Variants in PHACTR2 observed in about 807,000 individuals in gnomAD.
The protein encoded by PHACTR2 is phosphatase and actin regulator 2, also known as chromosome 6 open reading frame 56.
PHACTR2 carries 30 observed loss-of-function variants against 76.0 expected under a neutral mutation model. The observed-to-expected ratio is 0.39, with a 90% confidence interval of 0.30 to 0.54. The LOEUF is 0.54. Ranked by LOEUF, PHACTR2 falls within the 20% of genes least tolerant of loss-of-function variation. The pLI, the probability that PHACTR2 is intolerant of heterozygous loss-of-function variation, is 0.61. For missense variants in PHACTR2, 696 were observed against 781.1 expected, an observed-to-expected ratio of 0.89 and a Z score of 1.30; for synonymous variants, 292 against 292.5, an observed-to-expected ratio of 1.00 and a Z score of 0.02.
At position 143,807,063 on chromosome 6, in the gene PHACTR2, A is replaced by G; in HGVS notation, c.1852A>G (p.Ile618Val). The change falls in exon 12 of 13, where the codon ATA becomes GTA. Residue 618 changes from isoleucine (I) to valine (V), a missense_variant. This residue lies in a region of PHACTR2 where 236 missense variants were observed against 330.2 expected (regional missense o/e 0.71). Transcript: ENST00000440869. This position sits in a 1 kb window ranked among gnomAD's most constrained non-coding sequence, Gnocchi z 5.5. ...TATTTTTTTTCCTGTTTAGGCAGCA[A>G]TAAGGAAAGAACTAAATGAATTTAA... Reference protein sequence around the residue: ...ARLTPADKAAIRKELNEFKST... With the variant: ...ARLTPADKAAVRKELNEFKST... The G allele has an allele frequency of 6.3e-7, 1 of 1,589,466 alleles. No individual in the cohort carries two copies. Among genetic ancestry groups the G allele is most frequent in the East Asian group, 2.2e-5 (1 of 44,722 alleles).
At position 143,671,721 on chromosome 6, in the gene PHACTR2, CCAAT is replaced by C. The variant is rs1490800355; in HGVS notation, c.14-40290_14-40287del. 5.9e-5 allele frequency among the ~76,000 whole-genome samples: 9 copies of C among 152,124 alleles called. No individual in the cohort carries two copies. Among genetic ancestry groups the C allele is most frequent in the Admixed American group, 2.0e-4 (3 of 15,288 alleles). ...TAATAAATATTTGTTGAGTGGTGAA[CCAAT>C]CAATGAGTTATTATTAATATAGAAC... On this transcript the variant is annotated intron_variant, in intron 1 of 11. Transcript: ENST00000305766. The surrounding 1 kb of genome is among the most constrained non-coding windows in gnomAD (Gnocchi z 4.6).
rs192927844 is a variant in PHACTR2 at position 143,698,604 on chromosome 6, G to A, written c.47-13412G>A. ...GAGGCCATCTTGTGCTATGTCTGCCGTGGGAACTAATGCCACAGTACCACC... is the reference window on the plus strand; with the variant it reads ...GAGGCCATCTTGTGCTATGTCTGCCATGGGAACTAATGCCACAGTACCACC... On this transcript the variant is annotated intron_variant, in intron 1 of 12. Transcript: ENST00000440869. The surrounding 1 kb of genome is among the most constrained non-coding windows in gnomAD (Gnocchi z 4.3). Among the ~76,000 whole-genome samples, 23 of 152,292 alleles carry A rather than the reference G, an allele frequency of 1.5e-4. No individual in the cohort carries two copies. The East Asian group carries it at 1.7e-3, about 11-fold the overall frequency.
intron 5 of PHACTR2, among the ~76,000 whole-genome samples, chr6:143,763,831 C>T (rs1779492968): frequency 6.6e-6 from 1 of 152,120 alleles, no homozygotes; most frequent in African/African-American, 2.4e-5. Context: ...CATCTGTATA[C>T]AGTGTGGATT....
chr6:143,779,633 C>T (rs560429628), intron 9 of PHACTR2, among the ~76,000 whole-genome samples: 1 of 152,184 alleles, frequency 6.6e-6, no homozygotes, highest in East Asian at 1.9e-4. Context: ...CGGGTGTAAG[C>T]CACCGTGCCC....
At chr6:143,713,844 G>T (rs546749861) in intron 2 of PHACTR2, among the ~76,000 whole-genome samples, 1 of 152,258 alleles carries the variant, frequency 6.6e-6, no homozygotes, top group East Asian at 1.9e-4. Flanking sequence ...CTTAAGCATT[G>T]GGAGAATCTG....
At chr6:143,674,605 A>C (rs937149873), upstream of PHACTR2, among the ~76,000 whole-genome samples, 3 of 151,786 alleles carry the variant, frequency 2.0e-5, no homozygotes, top group Non-Finnish European at 2.9e-5. This position sits in a 1 kb window ranked among gnomAD's most constrained non-coding sequence, Gnocchi z 4.9. Context: ...ATCTCTTGGG[A>C]CTCTGCCTAA....
Position 143,776,410 on chromosome 6 carries a change from A to G in PHACTR2, c.1590-918A>G, listed in dbSNP as rs913133872. ...ATGTAAGATTAACCTATAAAAATCA[A>G]CATTATGTTTATATAACATTGTTAC... On this transcript the variant is annotated intron_variant, in intron 8 of 12. Coordinates refer to ENST00000440869, the MANE Select transcript of PHACTR2 (RefSeq NM_001100164.2). The surrounding 1 kb of genome is among the most constrained non-coding windows in gnomAD (Gnocchi z 5.3). 2.6e-5 allele frequency among the ~76,000 whole-genome samples: 4 copies of G among 152,252 alleles called. No homozygotes were observed. Among genetic ancestry groups the G allele is most frequent in the African/African-American group, 7.2e-5 (3 of 41,474 alleles).
chr6:143,780,361 C>T lies in PHACTR2; in HGVS notation c.1646-2858C>T, dbSNP rs1023955121. On this transcript the variant is annotated intron_variant, in intron 9 of 12. Coordinates refer to ENST00000440869, the MANE Select transcript of PHACTR2 (RefSeq NM_001100164.2). This position sits in a 1 kb window ranked among gnomAD's most constrained non-coding sequence, Gnocchi z 4.4. ...GTAAGGTGGCTTATGCCTGTAATCC[C>T]AAAGCCTTGTGAGGCCAAGGCAGGA... 1.3e-5 allele frequency among the ~76,000 whole-genome samples: 2 copies of T among 152,030 alleles called. No homozygotes were observed. Among genetic ancestry groups the T allele is most frequent in the African/African-American group, 4.8e-5 (2 of 41,360 alleles).
At position 143,827,177 on chromosome 6, in the gene PHACTR2, T is replaced by C. The variant is rs867679907; in HGVS notation, c.*3488T>C. ...GAAAATATATATATATATATATATA[T>C]ATATATATATATATATATATATGTA... On this transcript the variant is annotated 3_prime_UTR_variant, in exon 13 of 13. Coordinates refer to ENST00000440869, the MANE Select transcript of PHACTR2 (RefSeq NM_001100164.2). 10 of 126,918 alleles carry C rather than the reference T, an allele frequency of 7.9e-5. No individual in the cohort carries two copies. The highest frequency in any genetic ancestry group is 1.7e-4 in the Non-Finnish European group (10 of 59,708). The allele number at this position is 126,918 out of a possible 1,614,324, so 7.9% of individuals were successfully genotyped here.
In PHACTR2 at chr6:143,680,526, G is replaced by A. The variant is rs1349211163; in HGVS notation, c.46+2317G>A. On this transcript the variant is annotated intron_variant, in intron 1 of 12. Coordinates refer to ENST00000440869, the MANE Select transcript of PHACTR2 (RefSeq NM_001100164.2). This position sits in a 1 kb window ranked among gnomAD's most constrained non-coding sequence, Gnocchi z 4.5. ...GGCTAGAAGTTAGCTTGCTTTCCCC[G>A]TTTTGACTTTAGGCTCTCTAGAGCC... 2.0e-5 allele frequency among the ~76,000 whole-genome samples: 3 copies of A among 152,138 alleles called. No individual in the cohort carries two copies. Among genetic ancestry groups the A allele is most frequent in the Non-Finnish European group, 2.9e-5 (2 of 68,012 alleles).
intron 4 of PHACTR2, among the ~76,000 whole-genome samples, chr6:143,756,818 C>T (rs1051400573): frequency 6.6e-5 from 10 of 152,080 alleles, no homozygotes; most frequent in African/African-American, 1.9e-4. Context: ...GAGGCCAAGG[C>T]GGGCAGATCA....
At position 143,761,622 on chromosome 6, in the gene PHACTR2, C is replaced by T. The variant is rs548894633; in HGVS notation, c.694+982C>T. On this transcript the variant is annotated intron_variant, in intron 5 of 12. Transcript: ENST00000440869. The surrounding 1 kb of genome is among the most constrained non-coding windows in gnomAD (Gnocchi z 5.2). The stretch of plus-strand genomic sequence containing the variant: ...TACAAGAATTAGCCAGGCGTCGTGG[C>T]GTGCACCTCTAATCCCAGCTACTCA... 1.5e-4 allele frequency among the ~76,000 whole-genome samples: 23 copies of T among 152,092 alleles called. No homozygotes were observed. Among genetic ancestry groups the T allele is most frequent in the African/African-American group, 5.3e-4 (22 of 41,498 alleles).
chr6:143,586,100 T>C (rs1199254537), intron 1 of PHACTR2, among the ~76,000 whole-genome samples: 3 of 152,244 alleles, frequency 2.0e-5, no homozygotes, highest in East Asian at 1.9e-4. Context: ...TTACCACTCC[T>C]GGTCCACATC....
Position 143,801,092 on chromosome 6 carries a change from G to A in PHACTR2, c.1846-5965G>A, listed in dbSNP as rs1775944537. 6.6e-6 allele frequency among the ~76,000 whole-genome samples: 1 copy of A among 152,124 alleles called. No individual in the cohort carries two copies. On this transcript the variant is annotated intron_variant, in intron 11 of 12. Coordinates refer to ENST00000440869, the MANE Select transcript of PHACTR2 (RefSeq NM_001100164.2). This position sits in a 1 kb window ranked among gnomAD's most constrained non-coding sequence, Gnocchi z 4.6. ...TGTTAGTCTGATGGCTTCCCTTTGT[G>A]GTTAACCCAACCTTTCTCTCTGGCT... is the stretch of plus-strand genomic sequence containing the variant.
At chr6:143,734,675 G>C (rs1386012948) in intron 2 of PHACTR2, among the ~76,000 whole-genome samples, 1 of 152,114 alleles carries the variant, frequency 6.6e-6, no homozygotes, top group Non-Finnish European at 1.5e-5. Flanking sequence ...ATTGCTAAGG[G>C]GGATGTGGAG....
rs542361304 is a variant in PHACTR2 at position 143,595,007 on chromosome 6, A to T, written c.217+57800A>T. On this transcript the variant is annotated intron_variant, in intron 1 of 11. Transcript: ENST00000367584. This position sits in a 1 kb window ranked among gnomAD's most constrained non-coding sequence, Gnocchi z 4.2. ...GAAGCTCTGAAATGAAGACTGTTAC[A>T]TAATGATTTTATGAATAACATACAG... Among the ~76,000 whole-genome samples, 38 of 152,358 alleles carry T rather than the reference A, an allele frequency of 2.5e-4. No homozygotes were observed. The highest frequency in any genetic ancestry group is 8.4e-4 in the African/African-American group (35 of 41,598).
In PHACTR2 at chr6:143,757,348, C is replaced by CA. The variant is rs1465566201; in HGVS notation, c.455-3051dup. 6.6e-6 allele frequency among the ~76,000 whole-genome samples: 1 copy of CA among 152,164 alleles called. No individual in the cohort carries two copies. The highest frequency in any genetic ancestry group is 1.9e-4 in the East Asian group (1 of 5,190). ...CGTAGAAGGCCTGAGCACAGCAACCCAAGGGAGCTCACAGTGAGGGCCAAC... is the reference window on the plus strand; with the variant it reads ...CGTAGAAGGCCTGAGCACAGCAACCCAAAGGGAGCTCACAGTGAGGGCCAAC... On this transcript the variant is annotated intron_variant, in intron 4 of 12. Transcript: ENST00000440869. This position sits in a 1 kb window ranked among gnomAD's most constrained non-coding sequence, Gnocchi z 4.2.
At chr6:143,630,221 A>G (rs1213787556) in intron 1 of PHACTR2, among the ~76,000 whole-genome samples, 2 of 150,884 alleles carry the variant, frequency 1.3e-5, no homozygotes, top group Admixed American at 1.3e-4. Context: ...TTTATTTACT[A>G]TCATTTAAAA....
chr6:143,649,206 C>T (rs1202860766), intron 1 of PHACTR2, among the ~76,000 whole-genome samples: 2 of 152,138 alleles, frequency 1.3e-5, no homozygotes, highest in Non-Finnish European at 2.9e-5. Flanking sequence ...TAAACAGTGA[C>T]ATTCAAGCAC....
Sources: allele counts gnomAD v4.1 joint callset (sites outside exome capture counted in the v4.1 genomes callset), GRCh38; gene constraint gnomAD v4.1.1; regional missense constraint gnomAD v4.1.1; non-coding constraint Gnocchi (gnomAD v3.1); transcripts MANE v1.5; gene names NCBI Gene and HGNC (gene_info 2026-07-23, HGNC 2026-07-21).